Variants in CLIP2 observed in about 807,000 individuals in gnomAD.
CLIP2 encodes CAP-Gly domain containing linker protein 2, also known as CAP-Gly domain-containing linker protein 2.
Under a neutral mutation model 111.7 loss-of-function variants are expected in CLIP2, and 41 were observed. The observed-to-expected ratio is 0.37, with a 90% CI of 0.29 to 0.48. The LOEUF (loss-of-function observed/expected upper bound fraction) is 0.48, where lower values mean the gene tolerates loss of function less well. Ranked by LOEUF, CLIP2 falls within the 20% of genes least tolerant of loss-of-function variation. CLIP2 has a pLI of 0.99. For synonymous variants in CLIP2, 660 were observed against 644.2 expected (o/e 1.02, Z -0.37); for missense variants, 1,160 against 1,422.1 (o/e 0.82, Z 2.96).
rs782633882 is a variant in CLIP2, at chr7:74,375,944, C to T, written c.1543C>T (p.Arg515Cys). 2.7e-5 allele frequency: 43 copies of T among 1,601,476 alleles called. No individual in the cohort carries two copies. Among genetic ancestry groups the T allele is most frequent in the South Asian group, 3.4e-5 (3 of 89,340 alleles). ...VLQLEEELTL[R>C]RGEIEELQQC... is the part of the protein sequence containing the mutation. ...GCAGCTGGAGGAGGAGCTCACCCTG[C>T]GCCGAGGTGAAATCGAGGAGCTCCA... The change falls in exon 10 of 17, where the codon CGC becomes TGC. Residue 515 changes from arginine to cysteine, a missense_variant. Arg to Cys is a radical substitution (Grantham distance 180, BLOSUM62 -3). Coordinates refer to ENST00000223398, the MANE Select transcript of CLIP2 (RefSeq NM_003388.5).
rs1791724046 is a variant in CLIP2 at position 74,404,800 on chromosome 7, C to A, written c.*952C>A. On this transcript the variant is annotated 3_prime_UTR_variant, in exon 17 of 17. Transcript: ENST00000223398. ...CTTATGTACACACCACGTTCACACA[C>A]ACACAGAGGGACCACGTGTGCACGC... 1 of 152,252 alleles carries A rather than the reference C, an allele frequency of 6.6e-6. No homozygotes were observed. The highest frequency in any genetic ancestry group is 2.4e-5 in the African/African-American group (1 of 41,436). The allele number at this position is 152,252 out of a possible 1,614,324, so 9.4% of individuals were successfully genotyped here.
intron 6 of CLIP2, among the ~76,000 whole-genome samples, chr7:74,358,253 G>A (rs1490472607): frequency 2.6e-5 from 4 of 151,702 alleles, no homozygotes; most frequent in African/African-American, 4.8e-5. Context: ...GTTTCACCCT[G>A]TTGGTCAGGC....
chr7:74,386,376 C>A, intron 11 of CLIP2, 145 bp from the exon 12 acceptor site: 1 of 609,568 alleles, frequency 1.6e-6, no homozygotes. Context: ...GGTTACCCAG[C>A]GAGACGGCTG....
At chr7:74,390,205 GAAAGAAAGAAAGAAAGAAAGGATT>G (rs1562726925) in intron 13 of CLIP2, among the ~76,000 whole-genome samples, 37 of 99,206 alleles carry the variant, frequency 3.7e-4, no homozygotes, top group Non-Finnish European at 5.3e-4. Context: ...AAGAAAGAAA[GAAAGAAAGAAAGAAAGAAAGGATT>G]AATGCCTCCC....
At chr7:74,296,009 A>AAT (rs1788159500) in intron 1 of CLIP2, among the ~76,000 whole-genome samples, 1 of 150,330 alleles carries the variant, frequency 6.7e-6, no homozygotes, top group African/African-American at 2.5e-5. Flanking sequence ...AAAAAAAAAA[A>AAT]GCGTTTTTAT....
At chr7:74,294,249 C>G (rs1382451848) in intron 1 of CLIP2, among the ~76,000 whole-genome samples, 3 of 152,208 alleles carry the variant, frequency 2.0e-5, no homozygotes, top group Non-Finnish European at 4.4e-5. Context: ...CCTATCCTGG[C>G]TCTTCTCACT....
At chr7:74,303,898 T>G (rs1788406258) in intron 1 of CLIP2, among the ~76,000 whole-genome samples, 3 of 119,572 alleles carry the variant, frequency 2.5e-5, no homozygotes, top group Admixed American at 1.0e-4. Context: ...GGTGACAGAG[T>G]GAGACTCGGT....
intron 14 of CLIP2, 24 bp downstream of exon 14, chr7:74,397,257 G>A: frequency 6.2e-7 from 1 of 1,610,132 alleles, no homozygotes; most frequent in Non-Finnish European, 8.5e-7. Context: ...GGGTGGCCTA[G>A]GGGCAGGGGC....
intron 4 of CLIP2, 29 bp from the exon 5 acceptor site, chr7:74,356,372 GGCCGTGACA>G: frequency 6.3e-7 from 1 of 1,577,002 alleles, no homozygotes; most frequent in Non-Finnish European, 8.7e-7. Flanking sequence ...CAGGCTTTGG[GGCCGTGACA>G]GCAGCTTGGG....
At chr7:74,341,430 C>T (rs997190363) in intron 3 of CLIP2, among the ~76,000 whole-genome samples, 26 of 151,898 alleles carry the variant, frequency 1.7e-4, no homozygotes, top group African/African-American at 5.1e-4. Flanking sequence ...CTACCCACCT[C>T]GGCCTCCCAA....
At chr7:74,347,646 T>C (rs1164433281) in intron 3 of CLIP2, among the ~76,000 whole-genome samples, 2 of 152,126 alleles carry the variant, frequency 1.3e-5, no homozygotes, top group African/African-American at 4.8e-5. Context: ...CCCTCTACAA[T>C]GGAGATTACA....
intron 1 of CLIP2, among the ~76,000 whole-genome samples, chr7:74,290,834 G>A (rs923764626): frequency 6.6e-6 from 1 of 152,250 alleles, no homozygotes; most frequent in Admixed American, 6.5e-5. Context: ...GCACTTCTAG[G>A]GGCTGGCTGG....
intron 1 of CLIP2, among the ~76,000 whole-genome samples, chr7:74,314,926 A>G (rs910978231): frequency 1.3e-5 from 2 of 151,902 alleles, no homozygotes; most frequent in Non-Finnish European, 2.9e-5. Context: ...GCTCCTCTCC[A>G]GAGTCCCTTT....
intron 3 of CLIP2, among the ~76,000 whole-genome samples, chr7:74,352,989 A>T (rs1373347009): frequency 4.0e-5 from 6 of 150,986 alleles, no homozygotes; most frequent in East Asian, 2.0e-4. Flanking sequence ...TCTACAAAAA[A>T]TTTTTTAAAA....
chr7:74,390,162 GA>G (rs1215571636), intron 13 of CLIP2, among the ~76,000 whole-genome samples: 6 of 85,016 alleles, frequency 7.1e-5, no homozygotes, highest in South Asian at 8.2e-4. Flanking sequence ...AAGAAAGAAA[GA>G]AGAAAGAAAG....
At chr7:74,294,033 C>T (rs898556321) in intron 1 of CLIP2, among the ~76,000 whole-genome samples, 8 of 152,230 alleles carry the variant, frequency 5.3e-5, no homozygotes, top group East Asian at 3.9e-4. Flanking sequence ...TCTCCTGCCT[C>T]AGCCTCCTGA....
chr7:74,380,936 T>G (rs1554313793), intron 11 of CLIP2, 73 bp downstream of exon 11: 3 of 1,478,944 alleles, frequency 2.0e-6, no homozygotes, highest in African/African-American at 2.8e-5. Context: ...TCCTGCTGGG[T>G]CACATTTTGG....
intron 8 of CLIP2, among the ~76,000 whole-genome samples, chr7:74,372,594 G>GC (rs1790660045): frequency 8.2e-6 from 1 of 122,482 alleles, no homozygotes; most frequent in African/African-American, 4.8e-5. Context: ...GTTGGGGGTT[G>GC]GGGGGGACAG....
At chr7:74,337,384 T>C (rs145277264) in intron 2 of CLIP2, among the ~76,000 whole-genome samples, 2 of 152,174 alleles carry the variant, frequency 1.3e-5, no homozygotes, top group African/African-American at 2.4e-5. Context: ...TAGCCTTTTG[T>C]GGGCCCTGTA....
Sources: gnomAD v4.1 joint callset for allele counts (sites outside exome capture counted in the v4.1 genomes callset) on GRCh38, gnomAD v4.1.1 for gene constraint, MANE v1.5 for transcripts, NCBI Gene and HGNC (gene_info 2026-07-23, HGNC 2026-07-21) for gene names.